The following ROBO2 variants were observed in gnomAD, a reference collection of about 807,000 sequenced individuals.
ROBO2 encodes the protein roundabout homolog 2.
ROBO2 carries 53 observed loss-of-function variants against 160.8 expected under a neutral mutation model. That is an observed-to-expected ratio of 0.33 (90% CI 0.26 to 0.41). ROBO2 has a LOEUF of 0.41. Ranked by LOEUF, ROBO2 falls within the 10% of genes least tolerant of loss-of-function variation. ROBO2 has a pLI of 1.00. For synonymous variants in ROBO2, 664 were observed against 611.7 expected, an observed-to-expected ratio of 1.09 and a Z score of -1.26; for missense variants, 1,577 against 1,722.4, an observed-to-expected ratio of 0.92 and a Z score of 1.49.
chr3:77,058,285 C>T (rs1303532076), intron 1 of ROBO2, among the ~76,000 whole-genome samples: 1 of 152,066 alleles, frequency 6.6e-6, no homozygotes, highest in African/African-American at 2.4e-5. Flanking sequence ...AAGTATAATA[C>T]ACTAATGTTT....
intron 2 of ROBO2, among the ~76,000 whole-genome samples, chr3:76,592,049 G>T (rs1430319451): frequency 6.6e-6 from 1 of 151,894 alleles, no homozygotes; most frequent in African/African-American, 2.4e-5. Context: ...TTTACAGAAA[G>T]ATGTCACATT....
intron 2 of ROBO2, among the ~76,000 whole-genome samples, chr3:76,702,878 C>T (rs1257604075): frequency 2.6e-5 from 4 of 152,042 alleles, no homozygotes; most frequent in African/African-American, 4.8e-5. Flanking sequence ...GCTATTGAAA[C>T]GCTAATTAGC....
intron 2 of ROBO2, among the ~76,000 whole-genome samples, chr3:76,573,979 A>G (rs2085124106): frequency 6.6e-6 from 1 of 151,924 alleles, no homozygotes; most frequent in South Asian, 2.1e-4. Flanking sequence ...TTCCCATAGC[A>G]TTTTCTTTGT....
At chr3:76,745,974 C>A in intron 2 of ROBO2, among the ~76,000 whole-genome samples, 3 of 110,198 alleles carry the variant, frequency 2.7e-5, no homozygotes, top group Non-Finnish European at 1.7e-5. Flanking sequence ...CTAATGCTAT[C>A]CCTCCCTCCT....
At chr3:76,284,832 T>A (rs2107681494) in intron 2 of ROBO2, among the ~76,000 whole-genome samples, 1 of 152,254 alleles carries the variant, frequency 6.6e-6, no homozygotes, top group East Asian at 1.9e-4. Flanking sequence ...TTCCACCTGC[T>A]GCGATGGTGT....
chr3:76,468,611 G>C (rs1187861123), intron 2 of ROBO2, among the ~76,000 whole-genome samples: 5 of 151,728 alleles, frequency 3.3e-5, no homozygotes, highest in Non-Finnish European at 7.4e-5. Context: ...ATATTTTCCT[G>C]CTATGTTCAA....
chr3:76,480,498 A>G lies in ROBO2; in HGVS notation c.109+542896A>G, dbSNP rs189363334. Among the ~76,000 whole-genome samples the G allele has an allele frequency of 2.4e-3, 371 of 152,248 alleles. 1 individual carries two copies. The highest frequency in any genetic ancestry group is 8.6e-3 in the African/African-American group (359 of 41,576). On this transcript the variant is annotated intron_variant, in intron 2 of 26. Coordinates refer to the ROBO2 transcript ENST00000487694. ...AGTCTATTGGGGTTGCTCTAACAAG[A>G]ATACCACAAACTGAGAGGTTTATAA... is the stretch of plus-strand genomic sequence containing the variant.
intron 2 of ROBO2, among the ~76,000 whole-genome samples, chr3:75,994,245 T>C (rs1331950250): frequency 1.3e-5 from 2 of 152,226 alleles, no homozygotes; most frequent in Non-Finnish European, 2.9e-5. Flanking sequence ...ACTCCACCTT[T>C]GAAGGTGCCT....
In ROBO2 at chr3:77,252,835, T is replaced by TATATATATTATATATTTTC. The variant is rs1430536989; in HGVS notation, c.388+154503_388+154504insTATATATTTTCATATATAT. ...AAAAAAAAAAAAAAAAAAAAAAATATATATATATATATATATGAAAAATAA... is the reference window on the plus strand; with the variant it reads ...AAAAAAAAAAAAAAAAAAAAAAATATATATATATTATATATTTTCATATATATATATATATGAAAAATAA... On this transcript the variant is annotated intron_variant, in intron 2 of 25. Transcript: ENST00000461745. Among the ~76,000 whole-genome samples the TATATATATTATATATTTTC allele has an allele frequency of 4.4e-5, 4 of 89,888 alleles. 1 individual carries two copies. Among genetic ancestry groups the TATATATATTATATATTTTC allele is most frequent in the Non-Finnish European group, 6.6e-5 (3 of 45,156 alleles). The allele number at this position is 89,888 out of a possible 152,430, so 59.0% of individuals were successfully genotyped here. A position where few individuals can be genotyped will look rare whatever the true frequency, so the allele number is the denominator to read the frequency against.
At chr3:76,781,301 A>AT (rs979654961) in intron 2 of ROBO2, among the ~76,000 whole-genome samples, 1 of 150,598 alleles carries the variant, frequency 6.6e-6, no homozygotes, top group Non-Finnish European at 1.5e-5. Flanking sequence ...ATTCTCATTT[A>AT]TTTTTTATGG....
At chr3:75,996,836 A>G (rs2065742980) in intron 2 of ROBO2, among the ~76,000 whole-genome samples, 1 of 151,188 alleles carries the variant, frequency 6.6e-6, no homozygotes, top group African/African-American at 2.4e-5. Flanking sequence ...TAAATCATCT[A>G]TTCTGATATA....
intron 2 of ROBO2, among the ~76,000 whole-genome samples, chr3:76,002,784 T>G (rs2065924123): frequency 1.3e-5 from 2 of 152,080 alleles, no homozygotes; most frequent in African/African-American, 4.8e-5. Flanking sequence ...TGGAATAGCT[T>G]TTTCCTTCTC....
chr3:75,994,060 A>G (rs912316350), intron 2 of ROBO2, among the ~76,000 whole-genome samples: 18 of 152,186 alleles, frequency 1.2e-4, no homozygotes, highest in Admixed American at 9.8e-4. Context: ...AGAAAGGGAC[A>G]GCCAAGCACA....
chr3:77,388,526 A>G (rs546337821), intron 2 of ROBO2, among the ~76,000 whole-genome samples: 3 of 152,150 alleles, frequency 2.0e-5, no homozygotes, highest in South Asian at 2.1e-4. Context: ...CTTCTTTTTT[A>G]AAGTTTGTTT....
intron 2 of ROBO2, among the ~76,000 whole-genome samples, chr3:77,322,766 T>G (rs1183342573): frequency 7.2e-6 from 1 of 138,422 alleles, no homozygotes; most frequent in East Asian, 2.0e-4. Flanking sequence ...TAATATATTA[T>G]ATTATACATA....
chr3:76,252,283 G>A (rs1706053186), intron 2 of ROBO2, among the ~76,000 whole-genome samples: 2 of 152,064 alleles, frequency 1.3e-5, no homozygotes, highest in South Asian at 2.1e-4. Flanking sequence ...CTTGAACCAA[G>A]AGTGGGTTCA....
intron 2 of ROBO2, among the ~76,000 whole-genome samples, chr3:76,800,544 A>T (rs1200296395): frequency 1.3e-5 from 2 of 152,198 alleles, no homozygotes; most frequent in African/African-American, 4.8e-5. Flanking sequence ...TAATAATCTG[A>T]TTTAAAAATA....
chr3:77,317,493 G>A, intron 2 of ROBO2: 12 of 1,495,842 alleles, frequency 8.0e-6, no homozygotes, highest in Non-Finnish European at 1.1e-5. Flanking sequence ...TGTAAACTCC[G>A]ATCCATCCTC....
At chr3:77,331,446 A>G (rs1202846487) in intron 2 of ROBO2, among the ~76,000 whole-genome samples, 1 of 152,154 alleles carries the variant, frequency 6.6e-6, no homozygotes, top group Non-Finnish European at 1.5e-5. Flanking sequence ...ATTTTCTTGG[A>G]TATGGTTTAT....
Sources: allele counts gnomAD v4.1 joint callset (sites outside exome capture counted in the v4.1 genomes callset), GRCh38; gene constraint gnomAD v4.1.1; transcripts MANE v1.5; gene names NCBI Gene and HGNC (gene_info 2026-07-23, HGNC 2026-07-21).